The following CD72 variants were observed in gnomAD, a reference collection of about 807,000 sequenced individuals.
CD72 encodes the protein CD72 molecule, also known as B-cell differentiation antigen CD72.
In CD72, 28 loss-of-function variants were observed where a neutral mutation model predicts 50.7. The observed-to-expected ratio is 0.55, with a 90% CI of 0.41 to 0.76. CD72 has a LOEUF of 0.76. CD72 is among the 30% of genes least tolerant of loss of function. The pLI, the probability that CD72 is intolerant of heterozygous loss-of-function variation, is 0.00. For missense variants in CD72, 403 were observed against 420.6 expected (o/e 0.96, Z 0.37); for synonymous variants, 176 against 171.2 (o/e 1.03, Z -0.22).
rs1213851965 is a variant in CD72, at chr9:35,616,062, G to A, written c.569C>T (p.Ala190Val). The change falls in exon 5 of 9, where the codon GCA becomes GTA. Residue 190 changes from alanine (A) to valine (V), a missense_variant. Ala to Val is a moderately conservative substitution (Grantham distance 64). Coordinates refer to ENST00000259633, the MANE Select transcript of CD72 (RefSeq NM_001782.3). ...GGTCTCCTTCGTCTTCTGTCTGTCT[G>A]CCTGGCAGGCCTGTAGCTGCCCTTC... is the stretch of plus-strand genomic sequence containing the variant. ...AAEGQLQACQ[A>V]DRQKTKETLQ... is the part of the protein sequence containing the mutation. 1 of 1,614,084 alleles carries A rather than the reference G, an allele frequency of 6.2e-7. No individual in the cohort carries two copies. Among genetic ancestry groups the A allele is most frequent in the Admixed American group, 1.7e-5 (1 of 60,018 alleles).
At chr9:35,644,042 GAA>G (rs200019244) in intron 1 of CD72, among the ~76,000 whole-genome samples, 22 of 130,112 alleles carry the variant, frequency 1.7e-4, no homozygotes, top group African/African-American at 4.0e-4. Flanking sequence ...TCCTGAAAAG[GAA>G]AAAAAAAAAA....
chr9:35,616,993 G>A (rs1823074300), intron 3 of CD72, 183 bp downstream of exon 3: 2 of 1,444,342 alleles, frequency 1.4e-6, no homozygotes, highest in Admixed American at 2.7e-5. Flanking sequence ...CCGCAGGGGG[G>A]CGGTGCACGT....
chr9:35,632,593 T>C (rs950395266), intron 1 of CD72, among the ~76,000 whole-genome samples: 8 of 151,420 alleles, frequency 5.3e-5, no homozygotes, highest in African/African-American at 1.7e-4. Context: ...TTTTTTTTTT[T>C]CGAGAGGGAG....
chr9:35,617,189 C>T lies in CD72; in HGVS notation c.249G>A (p.Gly83=). The change falls in exon 3 of 9, where the codon GGG becomes GGA. Residue 83 remains glycine (G), a synonymous_variant. Transcript: ENST00000259633. ...SWRAVTSPAV[G]RILPCRTTCL... ...AGGCACACTCACAGGGGAGAATCCG[C>T]CCGACAGCTGGTGACGTCACGGCTC... 1.3e-6 allele frequency: 2 copies of T among 1,566,060 alleles called. No individual in the cohort carries two copies. The highest frequency in any genetic ancestry group is 1.7e-6 in the Non-Finnish European group (2 of 1,154,946).
chr9:35,617,664 C>T (rs936379753), intron 2 of CD72, among the ~76,000 whole-genome samples: 4 of 152,158 alleles, frequency 2.6e-5, no homozygotes, highest in African/African-American at 9.7e-5. Flanking sequence ...GGGGTCTCCA[C>T]CTTGCGGGAG....
At chr9:35,610,392 C>G (rs1228427030) in intron 8 of CD72, 92 bp from the exon 9 acceptor site, 2 of 466,610 alleles carry the variant, frequency 4.3e-6, no homozygotes, top group South Asian at 7.0e-5. Flanking sequence ...TCGACAGCCA[C>G]ACCACCAGCC....
chr9:35,624,589 G>C (rs1823178114), intron 1 of CD72, among the ~76,000 whole-genome samples: 1 of 152,132 alleles, frequency 6.6e-6, no homozygotes, highest in Admixed American at 6.5e-5. Context: ...TGAGGGGTTA[G>C]GGCTGCTGCT....
chr9:35,626,736 A>C (rs1823199515), intron 1 of CD72, among the ~76,000 whole-genome samples: 1 of 152,230 alleles, frequency 6.6e-6, no homozygotes, highest in Non-Finnish European at 1.5e-5. Context: ...GATTCACTGA[A>C]GGCTCAGATG....
chr9:35,636,980 C>A (rs1823296512), intron 1 of CD72, among the ~76,000 whole-genome samples: 1 of 152,182 alleles, frequency 6.6e-6, no homozygotes, highest in African/African-American at 2.4e-5. Context: ...TCTGCCCCAC[C>A]CTAACTGATC....
At chr9:35,620,313 CA>C (rs969840237), upstream of CD72, among the ~76,000 whole-genome samples, 1 of 151,882 alleles carries the variant, frequency 6.6e-6, no homozygotes, top group East Asian at 1.9e-4. Flanking sequence ...CTACAAAATA[CA>C]AAAAAATTAG....
rs539505977 is a variant in CD72, at chr9:35,637,019, C to T, written n.408+9384G>A. 3.3e-5 allele frequency among the ~76,000 whole-genome samples: 5 copies of T among 152,326 alleles called. No individual in the cohort carries two copies. The South Asian group carries it at 8.3e-4, about 25-fold the overall frequency. On this transcript the variant is annotated intron_variant and non_coding_transcript_variant, in intron 1 of 3. Transcript: ENST00000465754. ...TGACTTTGTGACAATACACCCTCCC[C>T]ACCCTTGCGATAAGTACTTTGTGAT...
chr9:35,644,983 C>G (rs1302342569), intron 1 of CD72, among the ~76,000 whole-genome samples: 1 of 149,686 alleles, frequency 6.7e-6, no homozygotes, highest in Non-Finnish European at 1.5e-5. Context: ...GGACAGATCA[C>G]CTGAGGTTGG....
At chr9:35,629,249 A>G (rs1432633833) in intron 1 of CD72, among the ~76,000 whole-genome samples, 1 of 151,988 alleles carries the variant, frequency 6.6e-6, no homozygotes. Flanking sequence ...ATGTTTCTTA[A>G]CCATTTGGAT....
intron 1 of CD72, among the ~76,000 whole-genome samples, chr9:35,636,579 A>G (rs1055815334): frequency 6.6e-6 from 1 of 152,216 alleles, no homozygotes; most frequent in African/African-American, 2.4e-5. Context: ...TCTTTGAGAG[A>G]CTGCAGAGCA....
intron 1 of CD72, among the ~76,000 whole-genome samples, chr9:35,645,828 G>A (rs771742086): frequency 4.6e-5 from 7 of 151,856 alleles, no homozygotes. Context: ...TGCCCTGGCC[G>A]GATGGCTTCC....
intron 1 of CD72, among the ~76,000 whole-genome samples, chr9:35,626,676 T>C (rs1265370373): frequency 6.6e-6 from 1 of 152,150 alleles, no homozygotes; most frequent in East Asian, 1.9e-4. Flanking sequence ...TCCTGATCAG[T>C]CAGCAGCTAC....
In CD72 at chr9:35,611,385, C is replaced by T. The variant is rs563430790; in HGVS notation, c.950+419G>A. Among the ~76,000 whole-genome samples, 20 of 152,260 alleles carry T rather than the reference C, an allele frequency of 1.3e-4. No homozygotes were observed. In the East Asian group the frequency reaches 3.5e-3, roughly 26 times the overall value. On this transcript the variant is annotated intron_variant, in intron 7 of 8. Transcript: ENST00000259633. ...ACAGTGAAGTGGAGCTTCGATGGTA[C>T]CCCCGCTGCTCCCTTGCGTACTTCA...
rs1313645599 is a variant in CD72 at position 35,627,869 on chromosome 9, TC to T, written n.409-9749del. On this transcript the variant is annotated intron_variant and non_coding_transcript_variant, in intron 1 of 3. Coordinates refer to the CD72 transcript ENST00000465754. ...TTTTTAATCAGAGTCAGCGTCTCAC[TC>T]TGTCACCCAGGCTGGAGTACAGTGG... Among the ~76,000 whole-genome samples, 4 of 151,800 alleles carry T rather than the reference TC, an allele frequency of 2.6e-5. No homozygotes were observed. The East Asian group carries it at 5.8e-4, about 22-fold the overall frequency.
intron 5 of CD72, 61 bp from the exon 6 acceptor site, chr9:35,613,054 T>C (rs1823011663): frequency 1.4e-6 from 2 of 1,407,810 alleles, no homozygotes; most frequent in East Asian, 2.3e-5. Flanking sequence ...TACTCAGCAA[T>C]CTTTTGCTAA....
Sources: gnomAD v4.1 joint callset for allele counts (sites outside exome capture counted in the v4.1 genomes callset) on GRCh38, gnomAD v4.1.1 for gene constraint, MANE v1.5 for transcripts, NCBI Gene and HGNC (gene_info 2026-07-23, HGNC 2026-07-21) for gene names.